Variants in GRAMD1B observed in about 807,000 individuals in gnomAD.
GRAMD1B encodes GRAM domain containing 1B.
Under a neutral mutation model 99.7 loss-of-function variants are expected in GRAMD1B, and 37 were observed. The observed-to-expected ratio is 0.37, with a 90% confidence interval of 0.29 to 0.49. The LOEUF is 0.49. GRAMD1B is among the 20% of genes least tolerant of loss of function. The pLI is 0.98. For missense variants in GRAMD1B, 888 were observed against 1,009.2 expected, an observed-to-expected ratio of 0.88 and a Z score of 1.63; for synonymous variants, 427 against 387.6, an observed-to-expected ratio of 1.10 and a Z score of -1.19.
At chr11:123,379,581 G>A (rs138634348) in intron 1 of GRAMD1B, among the ~76,000 whole-genome samples, 58 of 152,012 alleles carry the variant, frequency 3.8e-4, no homozygotes, top group Admixed American at 1.0e-3. Context: ...TCCAACCATC[G>A]GCTCATAGAT....
intron 1 of GRAMD1B, chr11:123,460,028 G>GAGAGTT (rs1289071893): frequency 6.6e-6 from 1 of 152,224 alleles, no homozygotes; most frequent in African/African-American, 2.4e-5. Context: ...TGAACTTGAA[G>GAGAGTT]AGAGTTAATT....
intron 4 of GRAMD1B, among the ~76,000 whole-genome samples, chr11:123,586,842 C>A (rs1298828507): frequency 6.6e-6 from 1 of 152,248 alleles, no homozygotes; most frequent in Non-Finnish European, 1.5e-5. Context: ...CCCTCTATAA[C>A]CTCTCTCCGG....
At chr11:123,567,238 G>A (rs1031738089) in intron 2 of GRAMD1B, among the ~76,000 whole-genome samples, 2 of 152,202 alleles carry the variant, frequency 1.3e-5, no homozygotes, top group African/African-American at 4.8e-5. Flanking sequence ...GGAGGAAATG[G>A]TGCAAGAGAA....
intron 1 of GRAMD1B, among the ~76,000 whole-genome samples, chr11:123,478,760 C>T (rs1012849): frequency 0.79 from 119,549 of 152,074 alleles, 47,659 homozygotes; most frequent in African/African-American, 0.93. Context: ...AAGTTTGACC[C>T]CTGCTTTGAA....
intron 2 of GRAMD1B, among the ~76,000 whole-genome samples, chr11:123,525,156 A>G (rs7927176): frequency 0.28 from 42,765 of 152,102 alleles, 6,556 homozygotes; most frequent in South Asian, 0.44. Context: ...CCCAGGTGAC[A>G]ATGTGCTGCC....
intron 8 of GRAMD1B, among the ~76,000 whole-genome samples, chr11:123,602,216 A>C (rs979765264): frequency 3.3e-5 from 5 of 152,192 alleles, no homozygotes; most frequent in African/African-American, 9.7e-5. Flanking sequence ...CTCCTTAGTC[A>C]GAAAGCTGGA....
Position 123,510,349 on chromosome 11 carries a change from C to T in GRAMD1B, c.452+29456C>T, listed in dbSNP as rs1271612695. On this transcript the variant is annotated intron_variant, in intron 2 of 19. Coordinates refer to ENST00000635736, the MANE Select transcript of GRAMD1B (RefSeq NM_001387025.1). The surrounding 1 kb of genome is among the most constrained non-coding windows in gnomAD (Gnocchi z 4.3). ...GCCTCCGTCTTTGTGCCCTCTCCCT[C>T]TCAACAGGGGGAGCCTGGGAAGACC... is the stretch of plus-strand genomic sequence containing the variant. Among the ~76,000 whole-genome samples, 2 of 152,148 alleles carry T rather than the reference C, an allele frequency of 1.3e-5. No individual in the cohort carries two copies. Among genetic ancestry groups the T allele is most frequent in the Non-Finnish European group, 2.9e-5 (2 of 68,044 alleles).
rs959904346 is a variant in GRAMD1B at position 123,609,799 on chromosome 11, C to A, written c.1662C>A (p.Ile554=). ...AGGGCTCTCCTCTACCCTTAGATAT[C>A]ATCTTCCATCCATGGAAAAAGGAGG... The part of the protein sequence containing the change: ...DFMEQRRFSD[I]IFHPWKKEEN... The change falls in exon 13 of 20, where the codon ATC becomes ATA. Residue 554 remains isoleucine (I), a synonymous_variant. Coordinates refer to ENST00000635736, the MANE Select transcript of GRAMD1B (RefSeq NM_001387025.1). The A allele has an allele frequency of 5.7e-5, 88 of 1,551,046 alleles. No individual in the cohort carries two copies. The highest frequency in any genetic ancestry group is 7.5e-5 in the Non-Finnish European group (85 of 1,131,404).
intron 1 of GRAMD1B, among the ~76,000 whole-genome samples, chr11:123,387,024 G>A (rs112208920): frequency 0.059 from 8,976 of 152,202 alleles, 751 homozygotes; most frequent in African/African-American, 0.19. Flanking sequence ...TTTGCTGGGT[G>A]CCTGTTAGAC....
chr11:123,509,634 A>C (rs1940777393), intron 2 of GRAMD1B, among the ~76,000 whole-genome samples: 2 of 152,222 alleles, frequency 1.3e-5, no homozygotes, highest in Admixed American at 1.3e-4. Context: ...TTTTAAGTAG[A>C]ATCCTTGCAC....
At chr11:123,403,277 A>G (rs935727158) in intron 1 of GRAMD1B, among the ~76,000 whole-genome samples, 6 of 151,792 alleles carry the variant, frequency 4.0e-5, no homozygotes, top group Non-Finnish European at 5.9e-5. Context: ...TTACAAAAAA[A>G]TTAGCCAGGC....
At chr11:123,608,945 CTCCAGCCT>C (rs1953132907) in intron 12 of GRAMD1B, 143 bp downstream of exon 12, 4 of 649,112 alleles carry the variant, frequency 6.2e-6, no homozygotes, top group Non-Finnish European at 8.0e-6. Context: ...GACACCCTCT[CTCCAGCCT>C]TCTGTGGTTC....
intron 1 of GRAMD1B, among the ~76,000 whole-genome samples, chr11:123,443,669 C>T (rs1240334881): frequency 6.6e-6 from 1 of 151,876 alleles, no homozygotes; most frequent in Non-Finnish European, 1.5e-5. Flanking sequence ...AGAGGTTGAT[C>T]CCCTCCCAGG....
Position 123,441,753 on chromosome 11 carries a change from G to A in GRAMD1B, c.374+10587G>A, listed in dbSNP as rs150588139. On this transcript the variant is annotated intron_variant, in intron 1 of 19. Transcript: ENST00000635736. ...TGAGGCTTCAGTGAGCCATGACCACGCCACTGCACTCCAGCCTGGGCAACA... is the reference window on the plus strand; with the variant it reads ...TGAGGCTTCAGTGAGCCATGACCACACCACTGCACTCCAGCCTGGGCAACA... Among the ~76,000 whole-genome samples, 350 of 152,116 alleles carry A rather than the reference G, an allele frequency of 2.3e-3. 6 individuals are homozygous for A. The highest frequency in any genetic ancestry group is 7.9e-3 in the African/African-American group (326 of 41,496).
chr11:123,538,543 T>A (rs1054397148), intron 2 of GRAMD1B, among the ~76,000 whole-genome samples: 1 of 152,124 alleles, frequency 6.6e-6, no homozygotes, highest in Non-Finnish European at 1.5e-5. Context: ...AGTCCCTTAC[T>A]CACCCTCACC....
chr11:123,617,963 C>G (rs1447525708), intron 17 of GRAMD1B, among the ~76,000 whole-genome samples: 1 of 152,196 alleles, frequency 6.6e-6, no homozygotes, highest in African/African-American at 2.4e-5. Flanking sequence ...TGATCCCTGC[C>G]AGCCGGTATC....
At position 123,613,594 on chromosome 11, in the gene GRAMD1B, G is replaced by C; in HGVS notation, c.2163G>C (p.Glu721Asp). The C allele has an allele frequency of 1.2e-6, 2 of 1,613,944 alleles. No homozygotes were observed. Among genetic ancestry groups the C allele is most frequent in the South Asian group, 2.2e-5 (2 of 91,064 alleles). Residue 721 changes from glutamate to aspartate, a missense_variant, in exon 16 of 20, where the codon GAG becomes GAC. By Grantham distance (45) the Glu-to-Asp change is conservative. Transcript: ENST00000635736. ...HAHLRVPHLE[E>D]VMSPVTTPTD... Reference sequence around the variant, plus strand: ...ACCTGCGAGTCCCTCACCTGGAAGAGGTGATGAGCCCGGTCACCACGCCCA... The same window carrying C: ...ACCTGCGAGTCCCTCACCTGGAAGACGTGATGAGCCCGGTCACCACGCCCA...
rs370988688 is a variant in GRAMD1B at position 123,614,769 on chromosome 11, C to T, written c.2252C>T (p.Pro751Leu). Residue 751 changes from proline to leucine, a missense_variant, in exon 17 of 20, where the codon CCG becomes CTG. Pro to Leu is a moderately conservative substitution (Grantham distance 98, BLOSUM62 -3). Coordinates refer to ENST00000635736, the MANE Select transcript of GRAMD1B (RefSeq NM_001387025.1). ...VAGSTQTRHI[P>L]EDTPNGFHLQ... ...GGTTCCACACAGACGCGGCATATCC[C>T]GGAGGACACCCCCAACGGTTTCCAC... 357 of 1,611,742 alleles carry T rather than the reference C, an allele frequency of 2.2e-4. No individual in the cohort carries two copies. Among genetic ancestry groups the T allele is most frequent in the Non-Finnish European group, 2.7e-4 (319 of 1,178,022 alleles).
At position 123,624,794 on chromosome 11, in the gene GRAMD1B, C is replaced by T. The variant is rs1440565740; in HGVS notation, c.*2199C>T. 1 of 152,116 alleles carries T rather than the reference C, an allele frequency of 6.6e-6. No individual in the cohort carries two copies. Among genetic ancestry groups the T allele is most frequent in the Non-Finnish European group, 1.5e-5 (1 of 68,030 alleles). 9.4% of individuals were successfully genotyped at this position (152,116 alleles called of 1,614,324 possible). Reference sequence around the variant, plus strand: ...ATTATTAAAGGTGCCACGGTGGGACCTTTGGGATGACTTAAAAAGGGTTCT... The same window carrying T: ...ATTATTAAAGGTGCCACGGTGGGACTTTTGGGATGACTTAAAAAGGGTTCT... On this transcript the variant is annotated 3_prime_UTR_variant, in exon 20 of 20. Coordinates refer to ENST00000635736, the MANE Select transcript of GRAMD1B (RefSeq NM_001387025.1).
Sources: allele counts gnomAD v4.1 joint callset (sites outside exome capture counted in the v4.1 genomes callset), GRCh38; gene constraint gnomAD v4.1.1; non-coding constraint Gnocchi (gnomAD v3.1); transcripts MANE v1.5; gene names NCBI Gene and HGNC (gene_info 2026-07-23, HGNC 2026-07-21).